GOLGA1: variants seen among roughly 807,000 people sequenced by gnomAD.
GOLGA1 encodes golgin subfamily A member 1.
GOLGA1 carries 63 observed loss-of-function variants against 119.7 expected under a neutral mutation model. The observed-to-expected ratio is 0.53, with a 90% CI of 0.43 to 0.65. GOLGA1 has a LOEUF of 0.65. Ranked by LOEUF, GOLGA1 falls within the 30% of genes least tolerant of loss-of-function variation. The pLI, the probability that GOLGA1 is intolerant of heterozygous loss-of-function variation, is 0.00. For missense variants in GOLGA1, 798 were observed against 912.8 expected (o/e 0.87, Z 1.62); for synonymous variants, 318 against 333.4 (o/e 0.95, Z 0.50).
rs1016515858 is a variant in GOLGA1, at chr9:124,878,898, G to A, written c.*1632C>T. 1 of 152,216 alleles carries A rather than the reference G, an allele frequency of 6.6e-6. No individual in the cohort carries two copies. The highest frequency in any genetic ancestry group is 1.5e-5 in the Non-Finnish European group (1 of 68,046). 9.4% of individuals were successfully genotyped at this position (152,216 alleles called of 1,614,324 possible). A position where few individuals can be genotyped will look rare whatever the true frequency, so the allele number is the denominator to read the frequency against. ...TACCCATCAAACTTGCAGAACAGAA[G>A]AGACTCCTGTTTCGTGTTCCCACCA... is the stretch of plus-strand genomic sequence containing the variant. On this transcript the variant is annotated 3_prime_UTR_variant, in exon 23 of 23. Coordinates refer to ENST00000373555, the MANE Select transcript of GOLGA1 (RefSeq NM_002077.4).
Position 124,880,304 on chromosome 9 carries a change from T to C in GOLGA1, c.*226A>G, listed in dbSNP as rs1829545788. The stretch of plus-strand genomic sequence containing the variant: ...ATTAGCAGCACTGTGGAAATCTGGG[T>C]AGTGCCAGGACCCTCCTGTTTGGTG... On this transcript the variant is annotated 3_prime_UTR_variant, in exon 23 of 23. Coordinates refer to ENST00000373555, the MANE Select transcript of GOLGA1 (RefSeq NM_002077.4). 2.4e-6 allele frequency: 1 copy of C among 411,976 alleles called. No homozygotes were observed. The highest frequency in any genetic ancestry group is 2.0e-5 in the African/African-American group (1 of 48,934). 25.5% of individuals were successfully genotyped at this position (411,976 alleles called of 1,614,324 possible). A position where few individuals can be genotyped will look rare whatever the true frequency, so the allele number is the denominator to read the frequency against.
At chr9:124,906,141 A>C (rs1830227145) in intron 12 of GOLGA1, among the ~76,000 whole-genome samples, 1 of 151,052 alleles carries the variant, frequency 6.6e-6, no homozygotes, top group African/African-American at 2.4e-5. Flanking sequence ...ATAAATAAAT[A>C]AATAAATAAG....
At chr9:124,930,442 A>C (rs1385964621) in intron 4 of GOLGA1, among the ~76,000 whole-genome samples, 1 of 152,202 alleles carries the variant, frequency 6.6e-6, no homozygotes, top group Non-Finnish European at 1.5e-5. Context: ...TGCTAAGCCT[A>C]ATAAGGCTCT....
At chr9:124,887,956 G>C (rs577692860) in intron 19 of GOLGA1, among the ~76,000 whole-genome samples, 2 of 152,188 alleles carry the variant, frequency 1.3e-5, no homozygotes, top group African/African-American at 4.8e-5. Context: ...GAGGACTGTC[G>C]CTATGGCCTG....
intron 2 of GOLGA1, among the ~76,000 whole-genome samples, 168 bp downstream of exon 2, chr9:124,939,938 A>G (rs1165563349): frequency 6.6e-6 from 1 of 152,212 alleles, no homozygotes; most frequent in Non-Finnish European, 1.5e-5. Flanking sequence ...CTAATGGTGT[A>G]TAAAACACTA....
chr9:124,926,855 C>CA, intron 6 of GOLGA1, 114 bp from the exon 7 acceptor site: 1 of 579,296 alleles, frequency 1.7e-6, no homozygotes, highest in Non-Finnish European at 3.1e-6. Flanking sequence ...CCAAACAAAA[C>CA]AAAAAAGCCA....
chr9:124,916,527 G>C (rs1459486967), intron 10 of GOLGA1, among the ~76,000 whole-genome samples: 3 of 151,916 alleles, frequency 2.0e-5, no homozygotes, highest in African/African-American at 7.3e-5. Flanking sequence ...ACAAAACTTA[G>C]GAAGAAATAC....
At chr9:124,900,396 G>T in intron 13 of GOLGA1, 56 bp downstream of exon 13, 1 of 898,900 alleles carries the variant, frequency 1.1e-6, no homozygotes, top group Non-Finnish European at 1.9e-6. Context: ...CATCTGCAAA[G>T]GCCTGGAGAG....
intron 15 of GOLGA1, among the ~76,000 whole-genome samples, chr9:124,890,866 A>T (rs188844709): frequency 1.3e-4 from 19 of 151,816 alleles, no homozygotes; most frequent in Admixed American, 1.2e-3. Context: ...AAAGAAGAAG[A>T]AGTAATGACC....
At chr9:124,901,050 C>T (rs1236731763) in intron 12 of GOLGA1, among the ~76,000 whole-genome samples, 4 of 150,654 alleles carry the variant, frequency 2.7e-5, no homozygotes, top group African/African-American at 9.8e-5. Context: ...CCACTCACTG[C>T]AAGCTCCGCC....
intron 5 of GOLGA1, 122 bp from the exon 6 acceptor site, chr9:124,928,407 T>C (rs916866127): frequency 1.9e-6 from 1 of 520,344 alleles, no homozygotes; most frequent in African/African-American, 2.0e-5. Flanking sequence ...TGGATTGTGA[T>C]ACTAGGAAAA....
At chr9:124,895,172 CAACAGAGACCCTCCAT>C (rs1186280510) in intron 15 of GOLGA1, among the ~76,000 whole-genome samples, 6 of 150,312 alleles carry the variant, frequency 4.0e-5, no homozygotes, top group South Asian at 4.3e-4. Flanking sequence ...AGACCCTCCA[CAACAGAGACCCTCCAT>C]AACAGAGAAC....
chr9:124,921,322 T>G, intron 9 of GOLGA1, 82 bp from the exon 10 acceptor site: 3 of 843,516 alleles, frequency 3.6e-6, no homozygotes, highest in Non-Finnish European at 6.1e-6. Flanking sequence ...ATACAAATGG[T>G]TTCTTCTGTG....
intron 19 of GOLGA1, among the ~76,000 whole-genome samples, chr9:124,886,701 G>C (rs1334582722): frequency 6.6e-6 from 1 of 152,150 alleles, no homozygotes; most frequent in African/African-American, 2.4e-5. Context: ...ACCTAGGCAA[G>C]AAGGGGGAGG....
At chr9:124,895,726 A>T (rs1354901241) in intron 15 of GOLGA1, among the ~76,000 whole-genome samples, 1 of 147,264 alleles carries the variant, frequency 6.8e-6, no homozygotes, top group Non-Finnish European at 1.5e-5. Flanking sequence ...ACAACACAGA[A>T]CCATCCACAA....
At chr9:124,889,590 C>G in intron 16 of GOLGA1, 54 bp from the exon 17 acceptor site, 2 of 1,153,066 alleles carry the variant, frequency 1.7e-6, no homozygotes. Flanking sequence ...CTCCATCTTC[C>G]CACAGAAATC....
chr9:124,900,354 T>C (rs2131411010), intron 13 of GOLGA1, 98 bp downstream of exon 13: 2 of 688,864 alleles, frequency 2.9e-6, no homozygotes, highest in Admixed American at 2.2e-5. Flanking sequence ...CAGGTCCAGG[T>C]ACCGTTGCCG....
At chr9:124,890,682 C>A (rs1019999206) in intron 15 of GOLGA1, among the ~76,000 whole-genome samples, 1 of 152,144 alleles carries the variant, frequency 6.6e-6, no homozygotes, top group Non-Finnish European at 1.5e-5. Flanking sequence ...CCACCGACTT[C>A]TCTGGAAATG....
rs112061540 is a variant in GOLGA1, at chr9:124,878,654, G to A, written c.*1876C>T. 89 of 152,396 alleles carry A rather than the reference G, an allele frequency of 5.8e-4. No individual in the cohort carries two copies. The highest frequency in any genetic ancestry group is 2.1e-3 in the African/African-American group (86 of 41,570). The allele number at this position is 152,396 out of a possible 1,614,324, so 9.4% of individuals were successfully genotyped here. On this transcript the variant is annotated 3_prime_UTR_variant, in exon 23 of 23. Transcript: ENST00000373555. ...GTGAAGCCTCCCTAAAGTGAGTACA[G>A]ACCTAGGAACGGGCCCCACAGCTAC...
Sources: gnomAD v4.1 joint callset for allele counts (sites outside exome capture counted in the v4.1 genomes callset) on GRCh38, gnomAD v4.1.1 for gene constraint, MANE v1.5 for transcripts, NCBI Gene and HGNC (gene_info 2026-07-23, HGNC 2026-07-21) for gene names.